The following GSG1L variants were observed in gnomAD, a reference collection of about 807,000 sequenced individuals.
GSG1L encodes germ cell-specific gene 1-like protein.
In GSG1L, 24 loss-of-function variants were observed where a neutral mutation model predicts 42.1. The observed-to-expected ratio is 0.57, with a 90% CI of 0.41 to 0.80. GSG1L has a LOEUF of 0.80. Among genes scored for constraint, GSG1L ranks in the 30% least tolerant of loss-of-function variants. The pLI is 0.00. For missense variants in GSG1L, 445 were observed against 472.2 expected, an observed-to-expected ratio of 0.94 and a Z score of 0.53; for synonymous variants, 215 against 203.5, an observed-to-expected ratio of 1.06 and a Z score of -0.48.
At chr16:27,866,818 C>T (rs946000077) in intron 3 of GSG1L, among the ~76,000 whole-genome samples, 14 of 152,140 alleles carry the variant, frequency 9.2e-5, no homozygotes, top group Non-Finnish European at 1.9e-4. Flanking sequence ...GTGATCCTCC[C>T]GCCTCAGCCT....
At chr16:27,980,750 C>T (rs2085315941) in intron 1 of GSG1L, among the ~76,000 whole-genome samples, 1 of 152,146 alleles carries the variant, frequency 6.6e-6, no homozygotes, top group African/African-American at 2.4e-5. Context: ...GGCACGATGG[C>T]ACATGCCTGT....
intron 1 of GSG1L, among the ~76,000 whole-genome samples, chr16:28,026,439 A>C (rs563525670): frequency 6.6e-6 from 1 of 152,298 alleles, no homozygotes; most frequent in African/African-American, 2.4e-5. Context: ...CTAGAGCAGG[A>C]AGCAGGATGG....
intron 2 of GSG1L, among the ~76,000 whole-genome samples, chr16:27,888,613 G>C (rs890390739): frequency 7.8e-6 from 1 of 127,710 alleles, no homozygotes; most frequent in Non-Finnish European, 1.6e-5. Flanking sequence ...CTCTCTCCCC[G>C]CCCCCCTTTC....
chr16:27,869,455 T>TTC (rs756540669), intron 3 of GSG1L, among the ~76,000 whole-genome samples: 11 of 148,630 alleles, frequency 7.4e-5, no homozygotes, highest in Non-Finnish European at 1.2e-4. Context: ...CTTTCTCTGC[T>TTC]TCTCTCTCTC....
chr16:28,048,088 G>C (rs1449308238), intron 1 of GSG1L, among the ~76,000 whole-genome samples: 1 of 151,644 alleles, frequency 6.6e-6, no homozygotes, highest in Non-Finnish European at 1.5e-5. Context: ...AATTAGCCAG[G>C]CATGGTGGCA....
intron 1 of GSG1L, among the ~76,000 whole-genome samples, chr16:28,051,876 G>C (rs2086225597): frequency 6.6e-6 from 1 of 152,194 alleles, no homozygotes; most frequent in South Asian, 2.1e-4. Flanking sequence ...AGGGACTCCA[G>C]CAGTATGCAG....
chr16:28,063,575 C>A lies in GSG1L; in HGVS notation c.-151G>T, dbSNP rs1017365220. The A allele has an allele frequency of 4.6e-6, 1 of 217,104 alleles. No homozygotes were observed. The highest frequency in any genetic ancestry group is 7.7e-6 in the Non-Finnish European group (1 of 130,336). The allele number at this position is 217,104 out of a possible 1,614,324, so 13.4% of individuals were successfully genotyped here. The stretch of plus-strand genomic sequence containing the variant: ...GCGGCGGACGCGGCGCGGGCCCATG[C>A]CCCCCCCAACCCCGGGGTGGGGGCG... On this transcript the variant is annotated 5_prime_UTR_variant, in exon 1 of 7. Coordinates refer to ENST00000447459, the MANE Select transcript of GSG1L (RefSeq NM_001109763.2). The surrounding 1 kb of genome is among the most constrained non-coding windows in gnomAD (Gnocchi z 5.8).
chr16:27,908,407 G>A (rs957018767), intron 2 of GSG1L, among the ~76,000 whole-genome samples: 1 of 152,198 alleles, frequency 6.6e-6, no homozygotes, highest in Non-Finnish European at 1.5e-5. Flanking sequence ...GAGAACTGAT[G>A]CATGTTACAT....
chr16:27,822,989 G>A (rs2083166044), intron 5 of GSG1L, among the ~76,000 whole-genome samples: 1 of 152,204 alleles, frequency 6.6e-6, no homozygotes, highest in South Asian at 2.1e-4. Flanking sequence ...CCCAAGTGAG[G>A]CGGGTCATTT....
intron 1 of GSG1L, among the ~76,000 whole-genome samples, chr16:28,003,989 G>A (rs1355603538): frequency 6.6e-6 from 1 of 152,230 alleles, no homozygotes; most frequent in African/African-American, 2.4e-5. Context: ...AGGATGACAC[G>A]GGCGGCACAG....
intron 6 of GSG1L, among the ~76,000 whole-genome samples, chr16:27,800,117 A>T (rs2082864819): frequency 6.6e-6 from 1 of 152,188 alleles, no homozygotes; most frequent in Non-Finnish European, 1.5e-5. Context: ...CTGAGGTCTC[A>T]GATGTCTGCA....
intron 1 of GSG1L, among the ~76,000 whole-genome samples, chr16:28,018,625 G>A (rs1342210899): frequency 1.3e-5 from 2 of 152,112 alleles, no homozygotes; most frequent in African/African-American, 4.8e-5. Context: ...AGGTAGACAA[G>A]GAAGAATAAC....
chr16:28,005,174 T>C (rs1228731140), intron 1 of GSG1L, among the ~76,000 whole-genome samples: 1 of 152,124 alleles, frequency 6.6e-6, no homozygotes, highest in Non-Finnish European at 1.5e-5. Flanking sequence ...AGTGCAATGG[T>C]GCGATCTCAG....
At chr16:27,888,495 CTTTCTTT>C (rs2084073665) in intron 2 of GSG1L, among the ~76,000 whole-genome samples, 4 of 5,990 alleles carry the variant, frequency 6.7e-4, no homozygotes, top group African/African-American at 1.7e-3. Context: ...TTCTTTCTTT[CTTTCTTT>C]CTTTCTTTCT....
chr16:27,947,594 AAAG>A (rs1205310676), intron 2 of GSG1L, among the ~76,000 whole-genome samples: 2 of 78,594 alleles, frequency 2.5e-5, no homozygotes, highest in Non-Finnish European at 4.9e-5. Context: ...AGAAAGAAAG[AAAG>A]AAAAAGAAAG....
At chr16:27,951,677 G>A (rs899162882) in intron 2 of GSG1L, among the ~76,000 whole-genome samples, 2 of 152,212 alleles carry the variant, frequency 1.3e-5, no homozygotes, top group African/African-American at 4.8e-5. Context: ...TAGCTCAGAT[G>A]TCAGTTTGGG....
At chr16:28,047,674 G>C (rs1567569022) in intron 1 of GSG1L, among the ~76,000 whole-genome samples, 1 of 151,980 alleles carries the variant, frequency 6.6e-6, no homozygotes, top group African/African-American at 2.4e-5. Context: ...AAAAAAATAG[G>C]ATGCAAAGTA....
chr16:27,854,268 G>A (rs1333010230), intron 3 of GSG1L, among the ~76,000 whole-genome samples: 1 of 142,442 alleles, frequency 7.0e-6, no homozygotes, highest in Non-Finnish European at 1.5e-5. Flanking sequence ...AAGGGGAGGA[G>A]GAGGGGGAGG....
intron 3 of GSG1L, among the ~76,000 whole-genome samples, chr16:27,849,184 T>G (rs578132713): frequency 1.1e-4 from 12 of 111,870 alleles, no homozygotes; most frequent in East Asian, 2.6e-4. Context: ...GGTGACAGAG[T>G]GAGCCTCTAT....
Sources: allele counts gnomAD v4.1 joint callset (sites outside exome capture counted in the v4.1 genomes callset), GRCh38; gene constraint gnomAD v4.1.1; non-coding constraint Gnocchi (gnomAD v3.1); transcripts MANE v1.5; gene names NCBI Gene and HGNC (gene_info 2026-07-23, HGNC 2026-07-21).